The following LARS1 variants were observed in gnomAD, a reference collection of about 807,000 sequenced individuals.
LARS1 encodes leucyl-tRNA synthetase 1.
A neutral mutation model predicts 162.8 loss-of-function variants in LARS1; 100 were observed. That is an observed-to-expected ratio of 0.61 (90% confidence interval 0.52 to 0.73). LARS1 has a LOEUF of 0.73. LARS1 is among the 30% of genes least tolerant of loss of function. The probability of loss-of-function intolerance (pLI) is 0.00; values close to 1 mark genes in which losing one functional copy is unlikely to be tolerated. For synonymous variants in LARS1, 457 were observed against 462.8 expected, an observed-to-expected ratio of 0.99 and a Z score of 0.16; for missense variants, 1,258 against 1,408.9, an observed-to-expected ratio of 0.89 and a Z score of 1.71.
Position 146,159,659 on chromosome 5 carries a change from T to C in LARS1, c.708-189A>G, listed in dbSNP as rs67986716. The stretch of plus-strand genomic sequence containing the variant: ...CTACTTATTTAATGAAAGCTTTCTA[T>C]CTTCGTCAAAGGTAATACCACTGAA... On this transcript the variant is annotated intron_variant, in intron 7 of 31. Coordinates refer to ENST00000394434, the MANE Select transcript of LARS1 (RefSeq NM_020117.11). 0.22 allele frequency among the ~76,000 whole-genome samples: 33,865 copies of C among 152,094 alleles called. 4,834 individuals are homozygous for C. Among genetic ancestry groups the C allele is most frequent in the Admixed American group, 0.34 (5,117 of 15,250 alleles).
chr5:146,140,285 T>G lies in LARS1; in HGVS notation c.2091-24A>C, dbSNP rs751289201. 5 of 1,582,442 alleles carry G rather than the reference T, an allele frequency of 3.2e-6. No homozygotes were observed. In the South Asian group the frequency reaches 4.4e-5, roughly 14 times the overall value. On this transcript the variant is annotated intron_variant, in intron 20 of 31. Transcript: ENST00000394434. ...CACTTCACAGATAAATGTTTAAAGA[T>G]AGAAAATAAAAAAACAAAGATGATA...
At chr5:146,168,902 T>C (rs1754138147) in intron 4 of LARS1, among the ~76,000 whole-genome samples, 1 of 151,778 alleles carries the variant, frequency 6.6e-6, no homozygotes, top group Non-Finnish European at 1.5e-5. Context: ...TAACATTGTT[T>C]CTCAATTTAA....
At chr5:146,116,264 T>C (rs1764203356) in intron 31 of LARS1, among the ~76,000 whole-genome samples, 1 of 152,226 alleles carries the variant, frequency 6.6e-6, no homozygotes, top group Non-Finnish European at 1.5e-5. Flanking sequence ...ACATCAGTGG[T>C]ACCAAATATT....
At position 146,182,020 on chromosome 5, in the gene LARS1, A is replaced by G. The variant is rs139823915; in HGVS notation, c.6+468T>C. On this transcript the variant is annotated intron_variant, in intron 1 of 31. Coordinates refer to ENST00000394434, the MANE Select transcript of LARS1 (RefSeq NM_020117.11). ...CAGTGGCGCGATCCTGGCTCACAGC[A>G]GCCTCCCTCTCCCGGGTTCAAGCAA... The G allele has an allele frequency of 5.4e-3, 868 of 159,558 alleles. 9 individuals are homozygous for G. The highest frequency in any genetic ancestry group is 0.02 in the African/African-American group (827 of 41,508). The allele number at this position is 159,558 out of a possible 1,614,324, so 9.9% of individuals were successfully genotyped here.
chr5:146,159,321 G>T, intron 8 of LARS1, 86 bp downstream of exon 8: 3 of 1,041,052 alleles, frequency 2.9e-6, no homozygotes, highest in Admixed American at 2.0e-5. Context: ...GCACTACAAA[G>T]AAGTTATTTT....
chr5:146,142,709 T>G (rs991420546), intron 20 of LARS1, 163 bp downstream of exon 20: 9 of 573,972 alleles, frequency 1.6e-5, no homozygotes, highest in Non-Finnish European at 2.7e-5. Context: ...ATGTAAGAGA[T>G]AGGAGGTGGC....
In LARS1 at chr5:146,182,472, T is replaced by C; in HGVS notation, c.6+16A>G. 1 of 1,613,854 alleles carries C rather than the reference T, an allele frequency of 6.2e-7. No homozygotes were observed. The highest frequency in any genetic ancestry group is 8.5e-7 in the Non-Finnish European group (1 of 1,179,854). ...CGGCTCCAGGGCCCCTGCGGATTCT[T>C]CTCGCTCAAACTCACCGCCATTGCA... On this transcript the variant is annotated intron_variant, in intron 1 of 31. Coordinates refer to ENST00000394434, the MANE Select transcript of LARS1 (RefSeq NM_020117.11).
In LARS1 at chr5:146,133,079, T is replaced by C; in HGVS notation, c.2215A>G (p.Met739Val). 1.9e-6 allele frequency: 3 copies of C among 1,611,288 alleles called. No homozygotes were observed. Among genetic ancestry groups the C allele is most frequent in the Non-Finnish European group, 1.7e-6 (2 of 1,179,074 alleles). The change falls in exon 23 of 32, where the codon ATG (methionine) becomes GTG (valine). Residue 739 changes from methionine (M) to valine (V), a missense_variant and splice_region_variant. By Grantham distance (21) the Met-to-Val change is conservative. Transcript: ENST00000394434. ...QAIDKFSADGMRLALADAGDT... is the reference protein window; with the variant it reads ...QAIDKFSADGVRLALADAGDT... ...CCAGCATCAGCCAGAGCCAAACGCA[T>C]TCCTGGAAGAAGAAAAAAAAATTCA...
intron 31 of LARS1, 89 bp from the exon 32 acceptor site, chr5:146,114,400 G>A (rs1764108087): frequency 9.0e-6 from 9 of 1,001,974 alleles, no homozygotes; most frequent in Middle Eastern, 2.3e-4. Context: ...TAAATACGCT[G>A]GTTGTTATAT....
chr5:146,144,956 A>G (rs1752949301), intron 15 of LARS1, among the ~76,000 whole-genome samples: 1 of 152,108 alleles, frequency 6.6e-6, no homozygotes, highest in Admixed American at 6.5e-5. Context: ...ATTTCATTTC[A>G]GTGAAAATTA....
intron 31 of LARS1, among the ~76,000 whole-genome samples, chr5:146,115,525 C>G (rs73315720): frequency 0.09 from 12,855 of 143,154 alleles, 686 homozygotes; most frequent in African/African-American, 0.15. Flanking sequence ...TAATACCCAC[C>G]CTGCTTGAGA....
chr5:146,177,614 T>C lies in LARS1; in HGVS notation c.58A>G (p.Ile20Val). 1.9e-6 allele frequency: 3 copies of C among 1,608,852 alleles called. No individual in the cohort carries two copies. Among genetic ancestry groups the C allele is most frequent in the Non-Finnish European group, 2.5e-6 (3 of 1,176,602 alleles). The change falls in exon 2 of 32, where the codon ATC becomes GTC. Residue 20 changes from isoleucine (I) to valine (V), a missense_variant. By Grantham distance (29) the Ile-to-Val change is conservative. Transcript: ENST00000394434. ...CTCTCAGTATCCCATTTCTGTTGGA[T>C]TTCTTTCTCAATCTTCTTCAAAAAG... is the stretch of plus-strand genomic sequence containing the variant. The part of the protein sequence containing the change: ...VDFLKKIEKE[I>V]QQKWDTERVF...
In LARS1 at chr5:146,121,667, T is replaced by A. The variant is rs538365994; in HGVS notation, c.3192+825A>T. On this transcript the variant is annotated intron_variant, in intron 30 of 31. Coordinates refer to ENST00000394434, the MANE Select transcript of LARS1 (RefSeq NM_020117.11). ...AGCCATAAAAAATGATGAGTTTATGTCCTTTGTAGGGACATGGATAAAGCT... is the reference window on the plus strand; with the variant it reads ...AGCCATAAAAAATGATGAGTTTATGACCTTTGTAGGGACATGGATAAAGCT... 5.3e-5 allele frequency among the ~76,000 whole-genome samples: 8 copies of A among 152,302 alleles called. No homozygotes were observed. The South Asian group carries it at 1.7e-3, about 32-fold the overall frequency.
intron 22 of LARS1, among the ~76,000 whole-genome samples, chr5:146,134,498 T>C (rs956173710): frequency 2.6e-5 from 4 of 152,208 alleles, no homozygotes; most frequent in Non-Finnish European, 5.9e-5. Flanking sequence ...AGTACCATGA[T>C]GACCAATGAC....
In LARS1 at chr5:146,113,983, G is replaced by T; in HGVS notation, c.*123C>A. 2.7e-6 allele frequency: 2 copies of T among 745,598 alleles called. No homozygotes were observed. Among genetic ancestry groups the T allele is most frequent in the Non-Finnish European group, 4.7e-6 (2 of 429,982 alleles). The allele number at this position is 745,598 out of a possible 1,614,324, so 46.2% of individuals were successfully genotyped here. ...TAGAATTATGAATACATGCAGAATT[G>T]GATGGTTAGAAATGAAATCAATCTA... On this transcript the variant is annotated 3_prime_UTR_variant, in exon 32 of 32. Transcript: ENST00000394434.
In LARS1 at chr5:146,175,021, C is replaced by A. The variant is rs998642396; in HGVS notation, c.126-2247G>T. Among the ~76,000 whole-genome samples the A allele has an allele frequency of 3.3e-5, 5 of 152,050 alleles. No individual in the cohort carries two copies. In the East Asian group the frequency reaches 9.7e-4, roughly 30 times the overall value. ...GATCACTTGAGCCCAGGAGTTGGGA[C>A]CAGCCTCAGCAACATAACAAGACCC... On this transcript the variant is annotated intron_variant, in intron 2 of 31. Transcript: ENST00000394434.
intron 7 of LARS1, among the ~76,000 whole-genome samples, chr5:146,160,101 A>G (rs1753711779): frequency 6.6e-6 from 1 of 152,202 alleles, no homozygotes; most frequent in African/African-American, 2.4e-5. Flanking sequence ...GTAATGGGAA[A>G]AGGTAGGCTA....
chr5:146,125,749 C>T (rs538985705), intron 28 of LARS1, among the ~76,000 whole-genome samples: 12 of 152,052 alleles, frequency 7.9e-5, no homozygotes, highest in Non-Finnish European at 1.3e-4. Context: ...AGCCTTCTTT[C>T]GGTTTCTTTT....
chr5:146,114,410 T>C, intron 31 of LARS1, 99 bp from the exon 32 acceptor site: 1 of 912,158 alleles, frequency 1.1e-6, no homozygotes. Flanking sequence ...GGTTGTTATA[T>C]CTAAACAAAA....
Sources: allele counts gnomAD v4.1 joint callset (sites outside exome capture counted in the v4.1 genomes callset), GRCh38; gene constraint gnomAD v4.1.1; transcripts MANE v1.5; gene names NCBI Gene and HGNC (gene_info 2026-07-23, HGNC 2026-07-21).